CHL1: variants seen among roughly 807,000 people sequenced by gnomAD.
CHL1 encodes neural cell adhesion molecule L1-like protein.
In CHL1, 96 loss-of-function variants were observed where a neutral mutation model predicts 141.9. The ratio of observed to expected loss-of-function variants is 0.68; its 90% CI spans 0.57 to 0.80. CHL1 has a LOEUF of 0.80. Among genes scored for constraint, CHL1 ranks in the 30% least tolerant of loss-of-function variants. CHL1 has a pLI of 0.00. For synonymous variants in CHL1, 613 were observed against 502.2 expected, an observed-to-expected ratio of 1.22 and a Z score of -2.95; for missense variants, 1,820 against 1,457.2, an observed-to-expected ratio of 1.25 and a Z score of -4.05.
intron 2 of CHL1, among the ~76,000 whole-genome samples, chr3:259,458 C>A (rs931286870): frequency 1.3e-5 from 2 of 152,052 alleles, no homozygotes; most frequent in Non-Finnish European, 2.9e-5. Flanking sequence ...AGCTGAGAAG[C>A]TAGGCATCAA....
chr3:263,904 T>C (rs1473967451), intron 2 of CHL1, among the ~76,000 whole-genome samples: 1 of 152,232 alleles, frequency 6.6e-6, no homozygotes, highest in Non-Finnish European at 1.5e-5. Context: ...CAGATAGTAG[T>C]AGTGCAAAAT....
chr3:224,640 G>T (rs1701158947), intron 1 of CHL1, among the ~76,000 whole-genome samples: 1 of 152,120 alleles, frequency 6.6e-6, no homozygotes, highest in Admixed American at 6.5e-5. Flanking sequence ...CCAAGCAGAT[G>T]CCAGTGCCAT....
At chr3:354,503 G>C (rs933761304) in intron 10 of CHL1, 137 bp from the exon 11 acceptor site, 21 of 945,196 alleles carry the variant, frequency 2.2e-5, no homozygotes, top group Non-Finnish European at 2.8e-5. Flanking sequence ...TGCAGAGCAA[G>C]TTTACCAAAA....
At chr3:257,245 C>T (rs1694254433) in intron 2 of CHL1, among the ~76,000 whole-genome samples, 1 of 152,052 alleles carries the variant, frequency 6.6e-6, no homozygotes, top group African/African-American at 2.4e-5. Flanking sequence ...ATTTAGTTCT[C>T]TTTCCCTTAA....
chr3:319,946 G>T, intron 3 of CHL1, 79 bp downstream of exon 3: 1 of 761,502 alleles, frequency 1.3e-6, no homozygotes, highest in East Asian at 2.7e-5. Flanking sequence ...CTTATGGATT[G>T]AGGATGTGAC....
chr3:275,014 C>T (rs1226679965), intron 2 of CHL1, among the ~76,000 whole-genome samples: 1 of 152,234 alleles, frequency 6.6e-6, no homozygotes, highest in Admixed American at 6.5e-5. Flanking sequence ...ATTCTCTTTG[C>T]ATGGATAGCA....
intron 26 of CHL1, among the ~76,000 whole-genome samples, chr3:400,210 G>A (rs1185911820): frequency 6.6e-6 from 1 of 152,060 alleles, no homozygotes; most frequent in African/African-American, 2.4e-5. Flanking sequence ...AATATTTATT[G>A]GGAACCCGTC....
At chr3:341,311 T>G (rs902971980) in intron 6 of CHL1, among the ~76,000 whole-genome samples, 1 of 152,192 alleles carries the variant, frequency 6.6e-6, no homozygotes, top group Non-Finnish European at 1.5e-5. Flanking sequence ...TTCTAGCATA[T>G]GCCTTAGCAG....
At chr3:199,698 C>T (rs1435454980) in intron 1 of CHL1, among the ~76,000 whole-genome samples, 1 of 152,064 alleles carries the variant, frequency 6.6e-6, no homozygotes, top group East Asian at 1.9e-4. Context: ...TCCTTAGTGA[C>T]CTTTACAAAA....
intron 8 of CHL1, 130 bp downstream of exon 8, chr3:343,161 A>G: frequency 1.5e-6 from 1 of 656,274 alleles, no homozygotes; most frequent in Non-Finnish European, 2.5e-6. Flanking sequence ...CTGAACTTAG[A>G]GGGTTCTATT....
In CHL1 at chr3:351,832, G is replaced by A. The variant is rs1179237200; in HGVS notation, c.1033+2289G>A. On this transcript the variant is annotated intron_variant, in intron 10 of 27. Coordinates refer to ENST00000256509, the MANE Select transcript of CHL1 (RefSeq NM_006614.4). ...ACTTCAAATCCTATAATATGTATGA[G>A]CAAAAGCAGCCAGGATGTCTTGACT... is the stretch of plus-strand genomic sequence containing the variant. Among the ~76,000 whole-genome samples the A allele has an allele frequency of 5.9e-5, 9 of 152,164 alleles. No individual in the cohort carries two copies. In the East Asian group the frequency reaches 7.7e-4, roughly 13 times the overall value.
At chr3:300,339 G>T (rs780990441) in intron 2 of CHL1, among the ~76,000 whole-genome samples, 1 of 152,064 alleles carries the variant, frequency 6.6e-6, no homozygotes, top group Non-Finnish European at 1.5e-5. Context: ...TTGAGTTGGG[G>T]GTAGCTTATA....
intron 2 of CHL1, among the ~76,000 whole-genome samples, chr3:250,362 T>TGATA (rs1693577908): frequency 6.6e-6 from 1 of 151,982 alleles, no homozygotes; most frequent in Non-Finnish European, 1.5e-5. Context: ...TAACTAAGGG[T>TGATA]GATAAATTGT....
chr3:223,765 A>G (rs1701076027), intron 1 of CHL1, among the ~76,000 whole-genome samples: 1 of 152,140 alleles, frequency 6.6e-6, no homozygotes, highest in South Asian at 2.1e-4. Context: ...CTCAGAGGCT[A>G]AGGTTTTTCC....
chr3:236,431 G>C (rs140687118), intron 1 of CHL1, among the ~76,000 whole-genome samples: 170 of 152,276 alleles, frequency 1.1e-3, no homozygotes, highest in African/African-American at 2.4e-3. Flanking sequence ...GTGTTCTTGA[G>C]AATGTGTCTT....
At chr3:316,695 C>G (rs1700176885) in intron 2 of CHL1, among the ~76,000 whole-genome samples, 2 of 151,654 alleles carry the variant, frequency 1.3e-5, no homozygotes, top group South Asian at 4.2e-4. Flanking sequence ...GTGATGGATA[C>G]CCCAATTACC....
chr3:260,239 G>A (rs1224849903), intron 2 of CHL1, among the ~76,000 whole-genome samples: 1 of 150,488 alleles, frequency 6.6e-6, no homozygotes, highest in African/African-American at 2.5e-5. Flanking sequence ...ACTCCAGACT[G>A]GGTGACAGAG....
chr3:198,198 AGGTG>A, intron 1 of CHL1: 1 of 174,974 alleles, frequency 5.7e-6, no homozygotes, highest in Non-Finnish European at 1.2e-5. Context: ...GGCGGAGGGC[AGGTG>A]TGCGTCGGCA....
chr3:242,997 C>T (rs1692810922), intron 1 of CHL1, among the ~76,000 whole-genome samples: 1 of 152,118 alleles, frequency 6.6e-6, no homozygotes, highest in African/African-American at 2.4e-5. Context: ...CCTGAGGTGG[C>T]TTCATGACAT....
Sources: gnomAD v4.1 joint callset for allele counts (sites outside exome capture counted in the v4.1 genomes callset) on GRCh38, gnomAD v4.1.1 for gene constraint, MANE v1.5 for transcripts, NCBI Gene and HGNC (gene_info 2026-07-23, HGNC 2026-07-21) for gene names.